TAFA2: variants seen among roughly 807,000 people sequenced by gnomAD.
TAFA2 encodes the protein chemokine-like protein TAFA-2.
A neutral mutation model predicts 18.8 loss-of-function variants in TAFA2; 7 were observed. That is an observed-to-expected ratio of 0.37 (90% confidence interval 0.21 to 0.70). The LOEUF (loss-of-function observed/expected upper bound fraction) is 0.70, where lower values mean the gene tolerates loss of function less well. TAFA2 is among the 30% of genes least tolerant of loss of function. TAFA2 has a pLI of 0.53. For missense variants in TAFA2, 122 were observed against 158.1 expected (o/e 0.77, Z 1.23); for synonymous variants, 60 against 54.2 (o/e 1.11, Z -0.47).
chr12:62,016,138 C>T (rs146434982), intron 1 of TAFA2, among the ~76,000 whole-genome samples: 80 of 152,270 alleles, frequency 5.3e-4, no homozygotes, highest in Non-Finnish European at 1.0e-3. Context: ...AGTCATTTAC[C>T]ATGCACATGT....
intron 1 of TAFA2, among the ~76,000 whole-genome samples, chr12:61,892,664 C>T (rs1008576241): frequency 6.6e-6 from 1 of 152,060 alleles, no homozygotes; most frequent in Non-Finnish European, 1.5e-5. Context: ...TGGAAAAACT[C>T]CGTCTCTACT....
At chr12:61,929,946 A>G (rs1200649718) in intron 1 of TAFA2, among the ~76,000 whole-genome samples, 1 of 147,514 alleles carries the variant, frequency 6.8e-6, no homozygotes, top group Non-Finnish European at 1.5e-5. Flanking sequence ...ATAGGTGGGA[A>G]TTGAACAATG....
At chr12:61,869,807 T>C (rs74098434) in intron 1 of TAFA2, among the ~76,000 whole-genome samples, 4 of 152,284 alleles carry the variant, frequency 2.6e-5, no homozygotes, top group African/African-American at 9.6e-5. Flanking sequence ...GAATCTTCTC[T>C]TTTTTTCTAC....
chr12:62,110,581 G>C (rs1332675239), intron 1 of TAFA2, among the ~76,000 whole-genome samples: 1 of 145,664 alleles, frequency 6.9e-6, no homozygotes, highest in Admixed American at 6.9e-5. Flanking sequence ...ACCTCTGGTA[G>C]AATTCAGCTG....
At chr12:61,763,951 G>T (rs1869674289) in intron 2 of TAFA2, among the ~76,000 whole-genome samples, 1 of 151,854 alleles carries the variant, frequency 6.6e-6, no homozygotes, top group African/African-American at 2.4e-5. Context: ...TGATGTCTCT[G>T]TTCCTTGATC....
intron 1 of TAFA2, among the ~76,000 whole-genome samples, chr12:61,970,907 A>G (rs751139869): frequency 5.3e-5 from 8 of 151,690 alleles, no homozygotes; most frequent in South Asian, 2.1e-4. Context: ...CTAGAAGGCT[A>G]AAGTATTTCT....
At chr12:61,858,139 G>C (rs1873963459) in intron 2 of TAFA2, among the ~76,000 whole-genome samples, 1 of 152,214 alleles carries the variant, frequency 6.6e-6, no homozygotes, top group Non-Finnish European at 1.5e-5. Context: ...AGACCCTGCA[G>C]TGTGCACAAT....
chr12:61,916,149 G>A (rs1876812895), intron 1 of TAFA2, among the ~76,000 whole-genome samples: 1 of 152,186 alleles, frequency 6.6e-6, no homozygotes, highest in South Asian at 2.1e-4. Flanking sequence ...ATAGGTTCCA[G>A]TTGTCTGTGT....
At chr12:61,710,617 T>C (rs897608894) in intron 4 of TAFA2, among the ~76,000 whole-genome samples, 200 bp from the exon 5 acceptor site, 9 of 152,142 alleles carry the variant, frequency 5.9e-5, no homozygotes, top group Non-Finnish European at 1.2e-4. Context: ...CATCTCACAA[T>C]ATTTTTAAAG....
intron 1 of TAFA2, among the ~76,000 whole-genome samples, chr12:62,170,473 G>C (rs578223994): frequency 2.0e-5 from 3 of 152,174 alleles, no homozygotes; most frequent in Non-Finnish European, 4.4e-5. Context: ...AGGATCTTGA[G>C]ATAGATCACT....
intron 1 of TAFA2, among the ~76,000 whole-genome samples, chr12:62,106,694 C>A (rs1370243161): frequency 6.6e-6 from 1 of 152,162 alleles, no homozygotes; most frequent in African/African-American, 2.4e-5. Flanking sequence ...CTTTAATTTA[C>A]ATGAAAAGAG....
chr12:62,176,916 C>A (rs555762250), intron 1 of TAFA2, among the ~76,000 whole-genome samples: 1 of 152,298 alleles, frequency 6.6e-6, no homozygotes, highest in East Asian at 1.9e-4. Context: ...GAAGGCAGAA[C>A]ATCTGATTCA....
chr12:62,074,706 T>C (rs941930816), intron 1 of TAFA2, among the ~76,000 whole-genome samples: 4 of 89,972 alleles, frequency 4.4e-5, no homozygotes, highest in Non-Finnish European at 7.5e-5. Context: ...GAATTTTTTT[T>C]TTTTTTTTTT....
At chr12:61,930,595 C>A (rs746568905) in intron 1 of TAFA2, among the ~76,000 whole-genome samples, 14 of 152,210 alleles carry the variant, frequency 9.2e-5, no homozygotes, top group Non-Finnish European at 2.1e-4. Flanking sequence ...AAGCTGCTGA[C>A]CCTAATCACT....
chr12:62,012,378 G>A, intron 1 of TAFA2, among the ~76,000 whole-genome samples: 1 of 148,824 alleles, frequency 6.7e-6, no homozygotes, highest in Admixed American at 6.7e-5. Flanking sequence ...GACAATAGGA[G>A]ACACGTATAT....
intron 1 of TAFA2, among the ~76,000 whole-genome samples, chr12:62,009,401 C>T (rs1880658045): frequency 6.6e-6 from 1 of 152,058 alleles, no homozygotes; most frequent in Admixed American, 6.6e-5. Flanking sequence ...TAGCAGGAAC[C>T]AATAGCTGCT....
chr12:62,014,903 C>CA (rs34155945), intron 1 of TAFA2, among the ~76,000 whole-genome samples: 76 of 150,312 alleles, frequency 5.1e-4, no homozygotes, highest in African/African-American at 8.8e-4. Flanking sequence ...AGGCAACCTC[C>CA]AAAAAAAAAG....
intron 1 of TAFA2, among the ~76,000 whole-genome samples, chr12:62,065,569 C>T (rs348653): frequency 0.68 from 103,203 of 151,924 alleles, 35,369 homozygotes; most frequent in African/African-American, 0.75. Flanking sequence ...AGGCCCAGAG[C>T]CCCATATATT....
intron 1 of TAFA2, among the ~76,000 whole-genome samples, chr12:61,962,149 G>A (rs1455663356): frequency 2.0e-5 from 3 of 151,944 alleles, no homozygotes; most frequent in African/African-American, 7.2e-5. Flanking sequence ...GTGCTTTGTA[G>A]TTAATGTAGA....
Sources: gnomAD v4.1 joint callset for allele counts (sites outside exome capture counted in the v4.1 genomes callset) on GRCh38, gnomAD v4.1.1 for gene constraint, MANE v1.5 for transcripts, NCBI Gene and HGNC (gene_info 2026-07-23, HGNC 2026-07-21) for gene names.